EFCAB5: variants seen among roughly 807,000 people sequenced by gnomAD.
The protein encoded by EFCAB5 is EF-hand calcium-binding domain-containing protein 5.
Under a neutral mutation model 167.9 loss-of-function variants are expected in EFCAB5, and 131 were observed. The observed-to-expected ratio is 0.78, with a 90% CI of 0.68 to 0.90. The LOEUF is 0.90. Among genes scored for constraint, EFCAB5 ranks in the 40% least tolerant of loss-of-function variants. EFCAB5 has a pLI of 0.00. For missense variants in EFCAB5, 1,663 were observed against 1,745.2 expected, an observed-to-expected ratio of 0.95 and a Z score of 0.84; for synonymous variants, 574 against 602.8, an observed-to-expected ratio of 0.95 and a Z score of 0.70.
chr17:29,938,800 T>C (rs2067265887), upstream of EFCAB5, among the ~76,000 whole-genome samples: 3 of 152,330 alleles, frequency 2.0e-5, no homozygotes, highest in South Asian at 6.2e-4. Context: ...TCTAGTTCTT[T>C]TGCTATTTCC....
intron 3 of EFCAB5, among the ~76,000 whole-genome samples, chr17:29,953,921 C>T (rs2067560922): frequency 6.6e-6 from 1 of 152,170 alleles, no homozygotes; most frequent in African/African-American, 2.4e-5. Flanking sequence ...AGATGAGGAA[C>T]TTGTTGGGAA....
intron 3 of EFCAB5, among the ~76,000 whole-genome samples, chr17:29,953,937 G>A (rs1229654936): frequency 6.6e-6 from 1 of 152,206 alleles, no homozygotes; most frequent in Non-Finnish European, 1.5e-5. Flanking sequence ...GGGAACTGGA[G>A]CAAAGGTGAC....
At chr17:30,097,015 TATACATATAC>T (rs2071306399) in intron 22 of EFCAB5, among the ~76,000 whole-genome samples, 1 of 117,864 alleles carries the variant, frequency 8.5e-6, no homozygotes, top group Non-Finnish European at 1.6e-5. Flanking sequence ...TACATATACA[TATACATATAC>T]ATATACATAT....
At chr17:30,007,120 T>C (rs1235974060) in intron 7 of EFCAB5, among the ~76,000 whole-genome samples, 1 of 152,244 alleles carries the variant, frequency 6.6e-6, no homozygotes, top group Admixed American at 6.5e-5. Context: ...TTTTTGTTGT[T>C]GTTTTTGCTT....
chr17:30,018,141 A>G (rs1435919451), intron 7 of EFCAB5, among the ~76,000 whole-genome samples: 1 of 151,074 alleles, frequency 6.6e-6, no homozygotes, highest in Admixed American at 6.6e-5. Context: ...CAACATAAAC[A>G]TTGCTTAATT....
At chr17:30,072,367 T>C (rs2070761619) in intron 14 of EFCAB5, among the ~76,000 whole-genome samples, 1 of 152,144 alleles carries the variant, frequency 6.6e-6, no homozygotes, top group African/African-American at 2.4e-5. Context: ...ACAAAAAACA[T>C]TTTGGTGATA....
chr17:29,951,248 C>A (rs1048601637), intron 3 of EFCAB5, among the ~76,000 whole-genome samples: 1 of 152,158 alleles, frequency 6.6e-6, no homozygotes, highest in African/African-American at 2.4e-5. Flanking sequence ...TCTTCACAGA[C>A]CAATTTTTCT....
At chr17:30,100,502 T>C (rs1159868424) in intron 22 of EFCAB5, among the ~76,000 whole-genome samples, 2 of 152,168 alleles carry the variant, frequency 1.3e-5, no homozygotes, top group African/African-American at 4.8e-5. Flanking sequence ...GCGTGGTGGC[T>C]CACGCCTGTA....
chr17:29,964,175 C>T (rs1159644013), intron 3 of EFCAB5, among the ~76,000 whole-genome samples: 2 of 152,106 alleles, frequency 1.3e-5, no homozygotes, highest in Non-Finnish European at 2.9e-5. Flanking sequence ...CTAACTAACA[C>T]AAGATCTGTT....
chr17:30,063,370 G>A (rs1302846051), intron 14 of EFCAB5, among the ~76,000 whole-genome samples: 1 of 152,152 alleles, frequency 6.6e-6, no homozygotes, highest in Non-Finnish European at 1.5e-5. Context: ...GACCTGAGTT[G>A]CCTTTGAGTT....
intron 21 of EFCAB5, 88 bp from the exon 22 acceptor site, chr17:30,092,752 T>C: frequency 1.2e-6 from 1 of 852,380 alleles, no homozygotes; most frequent in South Asian, 1.7e-5. Context: ...AAAATCTATA[T>C]AAATGGAATT....
intron 3 of EFCAB5, among the ~76,000 whole-genome samples, chr17:29,957,838 T>C (rs1466060973): frequency 6.6e-6 from 1 of 152,302 alleles, no homozygotes; most frequent in East Asian, 1.9e-4. Context: ...CCTTTGGGTA[T>C]ATACTATATA....
At chr17:29,940,876 C>T (rs977954002), upstream of EFCAB5, among the ~76,000 whole-genome samples, 3 of 151,848 alleles carry the variant, frequency 2.0e-5, no homozygotes, top group African/African-American at 7.3e-5. Context: ...CCTGTCTCTA[C>T]TAAATGTACA....
chr17:29,933,338 C>T (rs371035201), intron 1 of EFCAB5, among the ~76,000 whole-genome samples: 4 of 152,216 alleles, frequency 2.6e-5, no homozygotes, highest in East Asian at 1.9e-4. Flanking sequence ...AGTCGCTTTG[C>T]GAACGGAGCT....
At chr17:30,040,739 C>A (rs530363547) in intron 8 of EFCAB5, among the ~76,000 whole-genome samples, 1 of 152,284 alleles carries the variant, frequency 6.6e-6, no homozygotes, top group African/African-American at 2.4e-5. Flanking sequence ...AAATAATAGA[C>A]ACTAGGAATA....
intron 3 of EFCAB5, among the ~76,000 whole-genome samples, chr17:29,963,298 G>T (rs1567680749): frequency 6.6e-6 from 1 of 152,114 alleles, no homozygotes; most frequent in African/African-American, 2.4e-5. Flanking sequence ...CTCTCCATAT[G>T]CATTGATTAT....
At chr17:29,993,015 G>A in intron 4 of EFCAB5, 150 bp from the exon 5 acceptor site, 1 of 661,832 alleles carries the variant, frequency 1.5e-6, no homozygotes, top group Non-Finnish European at 2.3e-6. Flanking sequence ...AAGTGCTTGT[G>A]GAAGAAGGGC....
At chr17:30,037,245 A>G (rs908264815) in intron 8 of EFCAB5, among the ~76,000 whole-genome samples, 4 of 152,266 alleles carry the variant, frequency 2.6e-5, no homozygotes, top group Admixed American at 1.3e-4. Context: ...GATGATGAGT[A>G]TTCCTAAATA....
chr17:29,933,206 A>AT lies in EFCAB5; in HGVS notation c.-127+3878dup, dbSNP rs2067216908. Among the ~76,000 whole-genome samples the AT allele has an allele frequency of 5.3e-5, 8 of 152,334 alleles. No individual in the cohort carries two copies. The South Asian group carries it at 1.7e-3, about 32-fold the overall frequency. On this transcript the variant is annotated intron_variant, in intron 1 of 3. Transcript: ENST00000448319. ...ACCTCGGCTAGGCGCGAAAGGAGGTATGTAGAAATATAGAAGAAGTCTATA... is the reference window on the plus strand; with the variant it reads ...ACCTCGGCTAGGCGCGAAAGGAGGTATTGTAGAAATATAGAAGAAGTCTATA...
Sources: allele counts gnomAD v4.1 joint callset (sites outside exome capture counted in the v4.1 genomes callset), GRCh38; gene constraint gnomAD v4.1.1; transcripts MANE v1.5; gene names NCBI Gene and HGNC (gene_info 2026-07-23, HGNC 2026-07-21).